The following NELL1 variants were observed in gnomAD, a reference collection of about 807,000 sequenced individuals.
The protein encoded by NELL1 is neural EGFL like 1.
A neutral mutation model predicts 107.4 loss-of-function variants in NELL1; 76 were observed. That is an observed-to-expected ratio of 0.71 (90% CI 0.59 to 0.86). The LOEUF (loss-of-function observed/expected upper bound fraction) is 0.86, where lower values mean the gene tolerates loss of function less well. Ranked by LOEUF, NELL1 falls within the 40% of genes least tolerant of loss-of-function variation. The probability of loss-of-function intolerance (pLI) is 0.00; values close to 1 mark genes in which losing one functional copy is unlikely to be tolerated. For missense variants in NELL1, 1,024 were observed against 1,005.5 expected (o/e 1.02, Z -0.25); for synonymous variants, 353 against 341.2 (o/e 1.03, Z -0.38).
In NELL1 at chr11:20,810,972, T is replaced by G. The variant is rs1264749009; in HGVS notation, c.335+27142T>G. Among the ~76,000 whole-genome samples the G allele has an allele frequency of 2.0e-5, 3 of 152,176 alleles. No individual in the cohort carries two copies. The East Asian group carries it at 5.8e-4, about 29-fold the overall frequency. ...ATAGGCTCTTTGCTCTGTTGATTGT[T>G]TCCTTTGATGTGCAGAAGGCTTTAG... On this transcript the variant is annotated intron_variant, in intron 3 of 19. Transcript: ENST00000357134.
chr11:21,320,064 C>T (rs906781178), intron 14 of NELL1, among the ~76,000 whole-genome samples: 1 of 152,062 alleles, frequency 6.6e-6, no homozygotes, highest in African/African-American at 2.4e-5. Flanking sequence ...GATCACGGGA[C>T]TTCATACCTT....
chr11:21,036,107 C>A (rs1469721200), intron 12 of NELL1, among the ~76,000 whole-genome samples: 1 of 151,962 alleles, frequency 6.6e-6, no homozygotes. Flanking sequence ...AAGCTGACAG[C>A]CAAATCAGGA....
chr11:20,947,766 A>G (rs1850993972), intron 11 of NELL1, among the ~76,000 whole-genome samples: 1 of 152,184 alleles, frequency 6.6e-6, no homozygotes, highest in South Asian at 2.1e-4. Context: ...AATAACCATT[A>G]TCATCATTAT....
At chr11:21,067,234 C>T (rs1353916391) in intron 12 of NELL1, among the ~76,000 whole-genome samples, 2 of 152,120 alleles carry the variant, frequency 1.3e-5, no homozygotes, top group East Asian at 3.9e-4. Context: ...AACTTTTAAA[C>T]ATAAGAGTTC....
At chr11:20,978,444 G>GCA (rs1255983777) in intron 12 of NELL1, among the ~76,000 whole-genome samples, 5 of 150,112 alleles carry the variant, frequency 3.3e-5, no homozygotes, top group East Asian at 3.9e-4. Context: ...GAAAAAAAAA[G>GCA]CACACACACA....
chr11:20,926,469 C>A (rs888172559), intron 7 of NELL1, among the ~76,000 whole-genome samples: 5 of 152,004 alleles, frequency 3.3e-5, no homozygotes, highest in African/African-American at 9.7e-5. Flanking sequence ...GATTTCACAG[C>A]CAAAACCATG....
intron 14 of NELL1, among the ~76,000 whole-genome samples, chr11:21,285,488 T>C (rs1158429187): frequency 6.6e-6 from 1 of 152,232 alleles, no homozygotes; most frequent in East Asian, 1.9e-4. Flanking sequence ...ATAGAATGCT[T>C]CCACTCCTTC....
intron 12 of NELL1, among the ~76,000 whole-genome samples, chr11:21,008,625 TGTG>T (rs1364255388): frequency 6.6e-6 from 1 of 151,892 alleles, no homozygotes; most frequent in Admixed American, 6.6e-5. Flanking sequence ...TGGACAGAAG[TGTG>T]GTGTGGGAGA....
chr11:21,520,973 C>G (rs936006686), intron 15 of NELL1, among the ~76,000 whole-genome samples: 6 of 152,196 alleles, frequency 3.9e-5, no homozygotes, highest in African/African-American at 1.4e-4. Flanking sequence ...CAATAGAGTC[C>G]TATGGTTACC....
At chr11:20,773,810 C>G (rs1204939690) in intron 2 of NELL1, among the ~76,000 whole-genome samples, 2 of 151,908 alleles carry the variant, frequency 1.3e-5, no homozygotes, top group Non-Finnish European at 2.9e-5. Context: ...AAACTGGAAT[C>G]TTAACCAAAC....
At chr11:20,848,868 G>A (rs908068457) in intron 4 of NELL1, among the ~76,000 whole-genome samples, 4 of 152,198 alleles carry the variant, frequency 2.6e-5, no homozygotes, top group African/African-American at 9.7e-5. Context: ...ATCTTGAGGT[G>A]AGTCTTGGTC....
chr11:20,999,013 A>G (rs1230645451), intron 12 of NELL1, among the ~76,000 whole-genome samples: 1 of 152,182 alleles, frequency 6.6e-6, no homozygotes, highest in Non-Finnish European at 1.5e-5. Flanking sequence ...GAGTTCTATC[A>G]CACATTTGGC....
intron 12 of NELL1, among the ~76,000 whole-genome samples, chr11:21,098,316 C>A (rs1854703375): frequency 6.6e-6 from 1 of 152,174 alleles, no homozygotes; most frequent in Admixed American, 6.5e-5. Flanking sequence ...CTTCTTGTGA[C>A]AGTTCCATGC....
intron 12 of NELL1, among the ~76,000 whole-genome samples, chr11:20,966,391 A>G (rs1471475833): frequency 6.6e-6 from 1 of 152,122 alleles, no homozygotes; most frequent in African/African-American, 2.4e-5. Flanking sequence ...AAATTTCAAC[A>G]TGAATTTTGG....
At chr11:20,915,541 T>C (rs1001335731) in intron 5 of NELL1, among the ~76,000 whole-genome samples, 3 of 151,056 alleles carry the variant, frequency 2.0e-5, no homozygotes, top group African/African-American at 7.3e-5. Flanking sequence ...GGTCAGCTAA[T>C]ACAGGCCCAG....
intron 2 of NELL1, among the ~76,000 whole-genome samples, chr11:20,690,233 G>T (rs1478839282): frequency 1.3e-5 from 2 of 151,934 alleles, no homozygotes; most frequent in South Asian, 2.1e-4. Flanking sequence ...TCTGTAGGTT[G>T]CCTGTTCACT....
intron 2 of NELL1, among the ~76,000 whole-genome samples, chr11:20,770,561 G>C (rs1252613809): frequency 2.0e-5 from 3 of 152,182 alleles, no homozygotes; most frequent in African/African-American, 4.8e-5. Context: ...CAAACACCCT[G>C]TGGCCAACAC....
At chr11:21,468,169 C>T (rs985227901) in intron 15 of NELL1, among the ~76,000 whole-genome samples, 1 of 151,966 alleles carries the variant, frequency 6.6e-6, no homozygotes, top group African/African-American at 2.4e-5. Flanking sequence ...TATTATTCCA[C>T]AGGATATTTT....
chr11:20,939,562 G>A lies in NELL1; in HGVS notation c.1071+1703G>A, dbSNP rs574409233. ...ATGATTAGCAAAGTTTGGATCATAT[G>A]TCCAAGCTCTGATTGTTCAGGATGG... is the stretch of plus-strand genomic sequence containing the variant. On this transcript the variant is annotated intron_variant, in intron 10 of 19. Coordinates refer to ENST00000357134, the MANE Select transcript of NELL1 (RefSeq NM_006157.5). Among the ~76,000 whole-genome samples, 4 of 152,252 alleles carry A rather than the reference G, an allele frequency of 2.6e-5. No individual in the cohort carries two copies. In the South Asian group the frequency reaches 8.3e-4, roughly 32 times the overall value.
Sources: allele counts gnomAD v4.1 joint callset (sites outside exome capture counted in the v4.1 genomes callset), GRCh38; gene constraint gnomAD v4.1.1; transcripts MANE v1.5; gene names NCBI Gene and HGNC (gene_info 2026-07-23, HGNC 2026-07-21).